Variants in TPM3 observed in about 807,000 individuals in gnomAD.
The protein encoded by TPM3 is tropomyosin 3.
Under a neutral mutation model 43.1 loss-of-function variants are expected in TPM3, and 16 were observed. That is an observed-to-expected ratio of 0.37 (90% CI 0.25 to 0.56). The LOEUF is 0.56. TPM3 is among the 20% of genes least tolerant of loss of function. The pLI, the probability that TPM3 is intolerant of heterozygous loss-of-function variation, is 0.77. For missense variants in TPM3, 176 were observed against 337.2 expected, an observed-to-expected ratio of 0.52 and a Z score of 3.74; for synonymous variants, 101 against 116.9, an observed-to-expected ratio of 0.86 and a Z score of 0.88.
At position 154,166,706 on chromosome 1, in the gene TPM3, T is replaced by TGGAG. The variant is rs1176047022; in HGVS notation, c.*1227_*1230dup. On this transcript the variant is annotated 3_prime_UTR_variant, in exon 10 of 10. Coordinates refer to ENST00000651641, the MANE Select transcript of TPM3 (RefSeq NM_152263.4). ...GCGAATTCCTTTTTTTTTTTTGAGA[T>TGGAG]GGAGTCTCTCTGTTGCCCAGGCTGG... 1.1e-6 allele frequency: 1 copy of TGGAG among 949,050 alleles called. No homozygotes were observed. The highest frequency in any genetic ancestry group is 1.2e-6 in the Non-Finnish European group (1 of 802,950). The allele number at this position is 949,050 out of a possible 1,614,324, so 58.8% of individuals were successfully genotyped here. A position where few individuals can be genotyped will look rare whatever the true frequency, so the allele number is the denominator to read the frequency against.
chr1:154,187,352 C>T (rs541695380), intron 2 of TPM3: 8 of 984,714 alleles, frequency 8.1e-6, no homozygotes, highest in Admixed American at 6.2e-5. Context: ...GGAAAGAAAC[C>T]TTTCTTCTTG....
At chr1:154,176,584 C>T (rs976267901) in intron 2 of TPM3, among the ~76,000 whole-genome samples, 1 of 146,070 alleles carries the variant, frequency 6.8e-6, no homozygotes, top group Non-Finnish European at 1.5e-5. Flanking sequence ...TGAAGGGTTC[C>T]TTCTGCCTGA....
chr1:154,160,306 C>T (rs1030735596), downstream of TPM3, among the ~76,000 whole-genome samples: 4 of 152,194 alleles, frequency 2.6e-5, no homozygotes, highest in Non-Finnish European at 5.9e-5. Context: ...GAAAAAGATA[C>T]TTTTCTGTCC....
In TPM3 at chr1:154,167,742, T is replaced by A; in HGVS notation, c.*195A>T. 1 of 1,453,434 alleles carries A rather than the reference T, an allele frequency of 6.9e-7. No individual in the cohort carries two copies. Among genetic ancestry groups the A allele is most frequent in the Non-Finnish European group, 9.1e-7 (1 of 1,097,932 alleles). 90.0% of individuals were successfully genotyped at this position (1,453,434 alleles called of 1,614,324 possible). On this transcript the variant is annotated 3_prime_UTR_variant, in exon 10 of 10. Transcript: ENST00000651641. ...TCAATGACACAAATGCAGGGTGGCA[T>A]GAGGTTTCCAGCAGCTTAACATTTT...
intron 2 of TPM3, among the ~76,000 whole-genome samples, chr1:154,181,219 TC>T: frequency 6.6e-6 from 1 of 152,114 alleles, no homozygotes; most frequent in Non-Finnish European, 1.5e-5. Flanking sequence ...GACAACAAGC[TC>T]CCATCCCAGC....
chr1:154,156,609 A>G (rs1358714041), downstream of TPM3: 1 of 198,466 alleles, frequency 5.0e-6, no homozygotes, highest in Non-Finnish European at 1.0e-5. Context: ...CGGACTGCAG[A>G]GGCTGTCACA....
intron 9 of TPM3, 46 bp from the exon 10 acceptor site, chr1:154,167,986 A>C: frequency 6.2e-7 from 1 of 1,613,522 alleles, no homozygotes; most frequent in South Asian, 1.1e-5. Context: ...GACTAGCATC[A>C]ATCTAGATAG....
chr1:154,172,538 T>C (rs1263976438), intron 5 of TPM3: 1 of 477,352 alleles, frequency 2.1e-6, no homozygotes, highest in Non-Finnish European at 4.1e-6. Context: ...GACTACAGGT[T>C]TGAGCCACCA....
In TPM3 at chr1:154,180,402, T is replaced by A. The variant is rs566137766; in HGVS notation, c.244-4154A>T. Among the ~76,000 whole-genome samples, 3 of 152,202 alleles carry A rather than the reference T, an allele frequency of 2.0e-5. No individual in the cohort carries two copies. In the South Asian group the frequency reaches 6.2e-4, roughly 32 times the overall value. ...TAACAGGTAGCCCAAGCAACCCCCC[T>A]CCCTTCCCACAGGTGTCTCCTCCTC... On this transcript the variant is annotated intron_variant, in intron 2 of 9. Coordinates refer to ENST00000651641, the MANE Select transcript of TPM3 (RefSeq NM_152263.4).
chr1:154,173,816 C>T (rs935463984), intron 3 of TPM3, among the ~76,000 whole-genome samples: 18 of 151,988 alleles, frequency 1.2e-4, no homozygotes, highest in African/African-American at 4.1e-4. Context: ...TGGTGAAACC[C>T]TGTCCCTACT....
intron 1 of TPM3, 117 bp from the exon 2 acceptor site, chr1:154,191,428 A>C: frequency 6.5e-7 from 1 of 1,543,534 alleles, no homozygotes; most frequent in Non-Finnish European, 8.8e-7. Context: ...AGTGAGACAC[A>C]CTTTCTCCCC....
intron 2 of TPM3, among the ~76,000 whole-genome samples, chr1:154,177,034 C>T (rs1048698822): frequency 2.0e-5 from 3 of 150,326 alleles, no homozygotes; most frequent in Non-Finnish European, 4.4e-5. Context: ...TGCTGCTTAA[C>T]TCAAACCGTT....
intron 6 of TPM3, 55 bp from the exon 7 acceptor site, chr1:154,170,766 AC>A (rs1457872506): frequency 1.7e-5 from 19 of 1,146,806 alleles, no homozygotes; most frequent in South Asian, 7.3e-5. Flanking sequence ...CACAGGCAAT[AC>A]CCCCCTCCCT....
At chr1:154,169,547 G>A (rs1661351211) in intron 8 of TPM3, 164 bp from the exon 9 acceptor site, 2 of 698,990 alleles carry the variant, frequency 2.9e-6, no homozygotes, top group Non-Finnish European at 5.0e-6. Context: ...GACATTTTCA[G>A]ATCTACTCTC....
intron 6 of TPM3, chr1:154,171,071 T>C: frequency 3.7e-6 from 2 of 540,886 alleles, no homozygotes; most frequent in South Asian, 4.2e-5. Flanking sequence ...AGTGAAGTCA[T>C]CTGTCTTGAT....
chr1:154,172,253 T>C (rs760048413), intron 5 of TPM3: 1 of 812,700 alleles, frequency 1.2e-6, no homozygotes, highest in African/African-American at 1.7e-5. Flanking sequence ...TGATATGTTA[T>C]GTCTGGCAGA....
chr1:154,191,707 T>C, intron 1 of TPM3, 195 bp downstream of exon 1: 1 of 1,517,854 alleles, frequency 6.6e-7, no homozygotes, highest in Non-Finnish European at 8.8e-7. Flanking sequence ...TGTGGCTCAC[T>C]GACTTTCCCA....
In TPM3 at chr1:154,167,866, G is replaced by C; in HGVS notation, c.*71C>G. 6.2e-7 allele frequency: 1 copy of C among 1,613,776 alleles called. No individual in the cohort carries two copies. Among genetic ancestry groups the C allele is most frequent in the Non-Finnish European group, 8.5e-7 (1 of 1,179,762 alleles). ...CAGGCTGACCCAAATGGAATCCAGAGCGAGAGTGGGGCCTTGGGTTCCCCG... is the reference window on the plus strand; with the variant it reads ...CAGGCTGACCCAAATGGAATCCAGACCGAGAGTGGGGCCTTGGGTTCCCCG... On this transcript the variant is annotated 3_prime_UTR_variant, in exon 10 of 10. Transcript: ENST00000651641.
At chr1:154,159,174 T>C (rs1429940025), downstream of TPM3, 1 of 686,468 alleles carries the variant, frequency 1.5e-6, no homozygotes, top group South Asian at 1.5e-5. Context: ...AGCTGGTATA[T>C]ATAACATGCA....
Sources: allele counts gnomAD v4.1 joint callset (sites outside exome capture counted in the v4.1 genomes callset), GRCh38; gene constraint gnomAD v4.1.1; transcripts MANE v1.5; gene names NCBI Gene and HGNC (gene_info 2026-07-23, HGNC 2026-07-21).